LIPG: variants seen among roughly 807,000 people sequenced by gnomAD.
LIPG encodes endothelial lipase.
A neutral mutation model predicts 51.8 loss-of-function variants in LIPG; 34 were observed. The ratio of observed to expected loss-of-function variants is 0.66; its 90% confidence interval spans 0.50 to 0.87. LIPG has a LOEUF of 0.87. LIPG is among the 40% of genes least tolerant of loss of function. The pLI is 0.00. For synonymous variants in LIPG, 246 were observed against 246.1 expected (o/e 1.00, Z 0.00); for missense variants, 580 against 652.7 (o/e 0.89, Z 1.21).
At chr18:49,563,204 G>A (rs1476803460) in intron 1 of LIPG, among the ~76,000 whole-genome samples, 1 of 152,158 alleles carries the variant, frequency 6.6e-6, no homozygotes, top group Non-Finnish European at 1.5e-5. Context: ...CTAGTCTGCT[G>A]AGGTTGTGCC....
At chr18:49,590,219 TG>T in intron 9 of LIPG, 1 of 518,164 alleles carries the variant, frequency 1.9e-6, no homozygotes, top group East Asian at 3.7e-5. Flanking sequence ...ATGTTGTGGG[TG>T]GATAATATGT....
rs1476668152 is a variant in LIPG, at chr18:49,580,230, A to C, written c.794-1185A>C. 1.2e-4 allele frequency among the ~76,000 whole-genome samples: 18 copies of C among 152,326 alleles called. No individual in the cohort carries two copies. The East Asian group carries it at 3.1e-3, about 26-fold the overall frequency. On this transcript the variant is annotated intron_variant, in intron 5 of 9. Transcript: ENST00000261292. ...GCCAGAAAATCCAAATTGTATGCCT[A>C]ACTTTGTAACCAACTGTCTCTATGA...
chr18:49,577,683 G>T (rs1301276291), intron 5 of LIPG, among the ~76,000 whole-genome samples: 1,821 of 96,188 alleles, frequency 0.019, 74 homozygotes, highest in African/African-American at 0.077. Flanking sequence ...GGCACGGCTG[G>T]CCAGGCGGGG....
At chr18:49,583,047 C>A (rs1053254197) in intron 7 of LIPG, among the ~76,000 whole-genome samples, 1 of 152,104 alleles carries the variant, frequency 6.6e-6, no homozygotes, top group Non-Finnish European at 1.5e-5. Flanking sequence ...GCAGATGAGG[C>A]CAAGCCAAAT....
chr18:49,579,190 G>T lies in LIPG; in HGVS notation c.794-2225G>T, dbSNP rs1178277348. Among the ~76,000 whole-genome samples the T allele has an allele frequency of 3.5e-4, 2 of 5,718 alleles. 1 individual carries two copies. The highest frequency in any genetic ancestry group is 6.5e-4 in the Non-Finnish European group (2 of 3,088). The allele number at this position is 5,718 out of a possible 152,430, so 3.8% of individuals were successfully genotyped here. ...GGAGAGGGAGAGGGAGAGGGAGAGGGAGAGGGAGAGGGAGAGGGAGAGGGA... is the reference window on the plus strand; with the variant it reads ...GGAGAGGGAGAGGGAGAGGGAGAGGTAGAGGGAGAGGGAGAGGGAGAGGGA... On this transcript the variant is annotated intron_variant, in intron 5 of 9. Transcript: ENST00000261292.
intron 9 of LIPG, chr18:49,590,079 G>T (rs2084924192): frequency 6.2e-6 from 2 of 321,042 alleles, no homozygotes; most frequent in Admixed American, 4.2e-5. Flanking sequence ...TCTCAGTCTT[G>T]CCCCCTTTCT....
At chr18:49,566,680 A>G (rs559822415) in intron 2 of LIPG, among the ~76,000 whole-genome samples, 1 of 152,098 alleles carries the variant, frequency 6.6e-6, no homozygotes, top group Non-Finnish European at 1.5e-5. Flanking sequence ...GGTTGTGGGA[A>G]GGGGTCATTT....
At chr18:49,566,984 G>A (rs1028071631) in intron 2 of LIPG, among the ~76,000 whole-genome samples, 11 of 152,212 alleles carry the variant, frequency 7.2e-5, no homozygotes, top group African/African-American at 2.4e-4. Context: ...TTCTGCCTGT[G>A]CTGGTCCTGC....
intron 8 of LIPG, among the ~76,000 whole-genome samples, chr18:49,584,174 A>C (rs181524773): frequency 6.6e-6 from 1 of 152,308 alleles, no homozygotes; most frequent in African/African-American, 2.4e-5. Flanking sequence ...AGACTGGAGT[A>C]TCACTTCCAG....
Position 49,587,157 on chromosome 18 carries a change from C to T in LIPG, c.1481+307C>T, listed in dbSNP as rs573375086. Among the ~76,000 whole-genome samples the T allele has an allele frequency of 3.3e-5, 5 of 151,750 alleles. No homozygotes were observed. In the South Asian group the frequency reaches 1.0e-3, roughly 32 times the overall value. On this transcript the variant is annotated intron_variant, in intron 9 of 9. Transcript: ENST00000261292. ...GGCATGGTGGTGTGTGCCTGTAATC[C>T]CAGCTACTTGGGAGGTTGAGGCAGG...
At chr18:49,577,591 C>A (rs1487162943) in intron 5 of LIPG, among the ~76,000 whole-genome samples, 3 of 148,320 alleles carry the variant, frequency 2.0e-5, no homozygotes, top group Admixed American at 2.0e-4. Flanking sequence ...CCAGTAGGGG[C>A]GGCCGGGCAG....
At chr18:49,588,843 C>G (rs2084912308) in intron 9 of LIPG, among the ~76,000 whole-genome samples, 1 of 152,122 alleles carries the variant, frequency 6.6e-6, no homozygotes, top group South Asian at 2.1e-4. Context: ...CTGTCGCCAC[C>G]CTTTGCTCTA....
intron 1 of LIPG, 105 bp downstream of exon 1, chr18:49,562,510 T>C: frequency 9.7e-7 from 1 of 1,030,890 alleles, no homozygotes; most frequent in Non-Finnish European, 1.5e-6. Context: ...ATTCTTCCTT[T>C]CCCACTGCGC....
chr18:49,561,675 C>A (rs952647227), upstream of LIPG: 67 of 1,241,978 alleles, frequency 5.4e-5, no homozygotes, highest in Non-Finnish European at 6.4e-5. Flanking sequence ...TGGCTTTGAG[C>A]CTTGGAGAGG....
chr18:49,573,572 T>A (rs1334067066), intron 4 of LIPG, among the ~76,000 whole-genome samples: 2 of 149,522 alleles, frequency 1.3e-5, no homozygotes, highest in East Asian at 3.9e-4. Flanking sequence ...AGAGCAAGAT[T>A]CCAACTCAAA....
Position 49,590,980 on chromosome 18 carries a change from G to A in LIPG, c.*458G>A. On this transcript the variant is annotated 3_prime_UTR_variant, in exon 10 of 10. Coordinates refer to ENST00000261292, the MANE Select transcript of LIPG (RefSeq NM_006033.4). ...GGAGCTGACTCATGTCAGGATGGCA[G>A]GCCTGGTATCTTGCTCGGGCCCTAG... 3.7e-6 allele frequency: 1 copy of A among 267,232 alleles called. No individual in the cohort carries two copies. The highest frequency in any genetic ancestry group is 7.4e-6 in the Non-Finnish European group (1 of 135,640). The allele number at this position is 267,232 out of a possible 1,614,324, so 16.6% of individuals were successfully genotyped here.
intron 5 of LIPG, among the ~76,000 whole-genome samples, chr18:49,577,598 G>T (rs1425174839): frequency 1.0e-4 from 15 of 148,784 alleles, no homozygotes; most frequent in Non-Finnish European, 1.9e-4. Context: ...GGGCGGCCGG[G>T]CAGAGGCACC....
chr18:49,585,154 C>T (rs955777295), intron 8 of LIPG, among the ~76,000 whole-genome samples: 1 of 152,196 alleles, frequency 6.6e-6, no homozygotes, highest in Admixed American at 6.5e-5. Context: ...CTCCGCCTCC[C>T]GGATTCAAGT....
intron 8 of LIPG, among the ~76,000 whole-genome samples, chr18:49,584,483 G>A (rs1427552177): frequency 1.3e-5 from 2 of 152,228 alleles, no homozygotes; most frequent in Non-Finnish European, 2.9e-5. Context: ...TTGTCAAGAA[G>A]GGAGAGTTTC....
Sources: allele counts gnomAD v4.1 joint callset (sites outside exome capture counted in the v4.1 genomes callset), GRCh38; gene constraint gnomAD v4.1.1; transcripts MANE v1.5; gene names NCBI Gene and HGNC (gene_info 2026-07-23, HGNC 2026-07-21).